The following PADI1 variants were observed in gnomAD, a reference collection of about 807,000 sequenced individuals.
PADI1 encodes protein-arginine deiminase type-1.
A neutral mutation model predicts 74.8 loss-of-function variants in PADI1; 65 were observed. The observed-to-expected ratio is 0.87, with a 90% CI of 0.71 to 1.07. The LOEUF (loss-of-function observed/expected upper bound fraction) is 1.07. Among genes scored for constraint, PADI1 ranks in the 50% least tolerant of loss-of-function variants. PADI1 has a pLI of 0.00. For synonymous variants in PADI1, 371 were observed against 336.2 expected (o/e 1.10, Z -1.13); for missense variants, 943 against 854.0 (o/e 1.10, Z -1.30).
At position 17,205,214 on chromosome 1, in the gene PADI1, C is replaced by G; in HGVS notation, c.-4C>G. On this transcript the variant is annotated 5_prime_UTR_variant, in exon 1 of 16. Transcript: ENST00000375471. Reference sequence around the variant, plus strand: ...ATCTAGGAGGCTGGGAGCCAGGTGACAGGATGGCCCCAAAGAGAGTTGTGC... The same window carrying G: ...ATCTAGGAGGCTGGGAGCCAGGTGAGAGGATGGCCCCAAAGAGAGTTGTGC... The G allele has an allele frequency of 6.2e-7, 1 of 1,613,474 alleles. No individual in the cohort carries two copies. Among genetic ancestry groups the G allele is most frequent in the Non-Finnish European group, 8.5e-7 (1 of 1,179,486 alleles).
Position 17,230,572 on chromosome 1 carries a change from G to A in PADI1, c.1054G>A (p.Asp352Asn), listed in dbSNP as rs1216825658. Reference sequence around the variant, plus strand: ...GGCTTTTTCATCTCTCCCCTCCCAGGACGAGATGGAGTTTGGCTACATCGA... The same window carrying A: ...GGCTTTTTCATCTCTCCCCTCCCAGAACGAGATGGAGTTTGGCTACATCGA... The part of the protein sequence containing the change: ...VENRNDRWIQ[D>N]EMEFGYIEAP... Residue 352 changes from aspartate to asparagine, a missense_variant and splice_region_variant, in exon 10 of 16, where the codon GAC becomes AAC. Asp to Asn is a conservative substitution (Grantham distance 23). Coordinates refer to ENST00000375471, the MANE Select transcript of PADI1 (RefSeq NM_013358.3). 1.2e-6 allele frequency: 2 copies of A among 1,604,530 alleles called. No homozygotes were observed. Among genetic ancestry groups the A allele is most frequent in the Non-Finnish European group, 8.5e-7 (1 of 1,174,844 alleles).
intron 1 of PADI1, among the ~76,000 whole-genome samples, chr1:17,212,144 T>C (rs1288518266): frequency 6.6e-6 from 1 of 152,182 alleles, no homozygotes; most frequent in Non-Finnish European, 1.5e-5. Flanking sequence ...GGCAGATCCC[T>C]GGCTCCAGGC....
chr1:17,241,084 CG>C (rs2072766672), intron 15 of PADI1, among the ~76,000 whole-genome samples: 1 of 152,242 alleles, frequency 6.6e-6, no homozygotes, highest in South Asian at 2.1e-4. Flanking sequence ...AAAAAGAAAG[CG>C]TGGTTTGGTT....
chr1:17,230,662 C>T lies in PADI1; in HGVS notation c.1144C>T (p.Pro382Ser), dbSNP rs1385678308. Residue 382 changes from proline to serine, a missense_variant, in exon 10 of 16, where the codon CCC (proline) becomes TCC (serine). By Grantham distance (74) the Pro-to-Ser change is moderately conservative. Coordinates refer to ENST00000375471, the MANE Select transcript of PADI1 (RefSeq NM_013358.3). The part of the protein sequence containing the change: ...SPRNRGLKDF[P>S]YKRILGPDFG... ...CAGGAACAGGGGCCTGAAAGATTTC[C>T]CCTATAAGAGGATCCTGGTACGTAG... 2 of 1,606,126 alleles carry T rather than the reference C, an allele frequency of 1.2e-6. No homozygotes were observed. Among genetic ancestry groups the T allele is most frequent in the African/African-American group, 1.3e-5 (1 of 74,742 alleles).
At chr1:17,237,198 G>C (rs1409500432) in intron 11 of PADI1, 116 bp from the exon 12 acceptor site, 2 of 1,239,356 alleles carry the variant, frequency 1.6e-6, no homozygotes, top group East Asian at 4.8e-5. Flanking sequence ...TACGCCCCAC[G>C]TTTAAAGCGT....
rs151046895 is a variant in PADI1 at position 17,232,064 on chromosome 1, G to A, written c.1162-755G>A. Among the ~76,000 whole-genome samples, 1,283 of 152,154 alleles carry A rather than the reference G, an allele frequency of 8.4e-3. 20 individuals carry two copies. The highest frequency in any genetic ancestry group is 0.027 in the African/African-American group (1,116 of 41,522). On this transcript the variant is annotated intron_variant, in intron 10 of 15. Coordinates refer to ENST00000375471, the MANE Select transcript of PADI1 (RefSeq NM_013358.3). ...AGCGATTCTCCTGCCTCAGCCTCCC[G>A]AGTAGCTGGGATTACAGGTGTCCCC...
chr1:17,205,887 G>A (rs2071668943), intron 1 of PADI1, among the ~76,000 whole-genome samples: 1 of 152,178 alleles, frequency 6.6e-6, no homozygotes, highest in African/African-American at 2.4e-5. Flanking sequence ...TGATGACGCT[G>A]ATTATGGTGA....
chr1:17,223,908 C>T (rs2072236117), intron 3 of PADI1, among the ~76,000 whole-genome samples: 1 of 152,214 alleles, frequency 6.6e-6, no homozygotes, highest in Non-Finnish European at 1.5e-5. Context: ...ACTTCACTGC[C>T]CAGTGAACAA....
At chr1:17,230,900 G>C (rs970836144) in intron 10 of PADI1, among the ~76,000 whole-genome samples, 1 of 152,212 alleles carries the variant, frequency 6.6e-6, no homozygotes, top group African/African-American at 2.4e-5. Flanking sequence ...CAGCCTGATT[G>C]TTCCTGTGTT....
intron 1 of PADI1, among the ~76,000 whole-genome samples, chr1:17,210,233 G>T (rs1410032032): frequency 1.3e-5 from 2 of 151,792 alleles, no homozygotes; most frequent in African/African-American, 4.8e-5. Context: ...CCATGGCTCA[G>T]TGCAACCTCA....
intron 11 of PADI1, among the ~76,000 whole-genome samples, chr1:17,235,322 G>A (rs2072615998): frequency 6.6e-6 from 1 of 152,022 alleles, no homozygotes; most frequent in African/African-American, 2.4e-5. Flanking sequence ...AAAGTAGTGT[G>A]GAGTGGACCA....
chr1:17,232,938 G>A lies in PADI1; in HGVS notation c.1281G>A (p.Leu427=). 6.2e-7 allele frequency: 1 copy of A among 1,611,010 alleles called. No homozygotes were observed. The highest frequency in any genetic ancestry group is 8.5e-7 in the Non-Finnish European group (1 of 1,179,358). ...PVTVGGTEYP[L]GRILIGSSFP... ...CGGTGGGCGGCACGGAATACCCCCT[G>A]GGCCGGATCCTCATCGGGAGCAGCT... The change falls in exon 11 of 16, where the codon CTG becomes CTA. Residue 427 remains leucine, a synonymous_variant. Coordinates refer to ENST00000375471, the MANE Select transcript of PADI1 (RefSeq NM_013358.3).
In PADI1 at chr1:17,222,367, C is replaced by T. The variant is rs758953127; in HGVS notation, c.170C>T (p.Thr57Ile). 1.9e-6 allele frequency: 3 copies of T among 1,613,972 alleles called. No homozygotes were observed. The highest frequency in any genetic ancestry group is 2.5e-6 in the Non-Finnish European group (3 of 1,179,838). ...GVEVFMVYNR[T>I]RVKEPIGKAR... ...GAGGTCTTCATGGTCTACAACCGCA[C>T]ACGTGTGAAAGAGCCCATAGGCAAG... Residue 57 changes from threonine (T) to isoleucine (I), a missense_variant, in exon 2 of 16, where the codon ACA becomes ATA. Transcript: ENST00000375471.
At chr1:17,213,563 A>G (rs148717338) in intron 1 of PADI1, among the ~76,000 whole-genome samples, 3 of 152,226 alleles carry the variant, frequency 2.0e-5, no homozygotes, top group African/African-American at 7.2e-5. Flanking sequence ...GTCCTGGTAA[A>G]TTCTTTTACT....
chr1:17,243,009 ATGAGGGTGGGGCAGACT>A (rs1444355876), intron 15 of PADI1, among the ~76,000 whole-genome samples: 3 of 151,602 alleles, frequency 2.0e-5, no homozygotes, highest in African/African-American at 4.8e-5. Context: ...CCTGCCATGG[ATGAGGGTGGGGCAGACT>A]TGAGGGTGGG....
intron 1 of PADI1, among the ~76,000 whole-genome samples, chr1:17,208,833 G>T (rs1053825464): frequency 6.6e-6 from 1 of 152,212 alleles, no homozygotes; most frequent in Non-Finnish European, 1.5e-5. Flanking sequence ...CTCCTTGACT[G>T]CCCAGAGGCC....
At chr1:17,226,959 G>C (rs1381564632) in intron 6 of PADI1, among the ~76,000 whole-genome samples, 2 of 151,918 alleles carry the variant, frequency 1.3e-5, no homozygotes, top group Non-Finnish European at 2.9e-5. Flanking sequence ...GTTAAGGCAA[G>C]AGGTGGAGCT....
chr1:17,244,363 C>T lies in PADI1; in HGVS notation c.*120C>T. 1 of 778,232 alleles carries T rather than the reference C, an allele frequency of 1.3e-6. No homozygotes were observed. The highest frequency in any genetic ancestry group is 2.2e-4 in the Middle Eastern group (1 of 4,494). The allele number at this position is 778,232 out of a possible 1,614,324, so 48.2% of individuals were successfully genotyped here. On this transcript the variant is annotated 3_prime_UTR_variant, in exon 16 of 16. Transcript: ENST00000375471. The stretch of plus-strand genomic sequence containing the variant: ...GGAGTCTTGGCACTTTGCAAACATC[C>T]TGGCCACCATGGGCACCAGGACACA...
intron 1 of PADI1, among the ~76,000 whole-genome samples, chr1:17,208,763 T>TC (rs1287662696): frequency 6.6e-6 from 1 of 152,242 alleles, no homozygotes; most frequent in Non-Finnish European, 1.5e-5. Flanking sequence ...TTCAGGTGGC[T>TC]CATGCCAATA....
Sources: gnomAD v4.1 joint callset for allele counts (sites outside exome capture counted in the v4.1 genomes callset) on GRCh38, gnomAD v4.1.1 for gene constraint, MANE v1.5 for transcripts, NCBI Gene and HGNC (gene_info 2026-07-23, HGNC 2026-07-21) for gene names.